Variants in SNRPE observed in about 807,000 individuals in gnomAD.
The protein encoded by SNRPE is small nuclear ribonucleoprotein E.
For missense variants in SNRPE, 53 were observed against 111.6 expected (o/e 0.48, Z 2.36); for synonymous variants, 35 against 36.7 (o/e 0.95, Z 0.17).
intron 4 of SNRPE, among the ~76,000 whole-genome samples, chr1:203,866,942 G>A (rs35710405): frequency 0.11 from 13,562 of 126,378 alleles, 862 homozygotes; most frequent in Non-Finnish European, 0.14. Flanking sequence ...CCTTGTGTCT[G>A]TAGAGCTCAG....
chr1:203,869,797 A>T (rs1690177091), intron 4 of SNRPE, 80 bp from the exon 5 acceptor site: 6 of 995,884 alleles, frequency 6.0e-6, no homozygotes, highest in Non-Finnish European at 7.6e-6. Context: ...AATATTGTTC[A>T]AAAACTGGAT....
chr1:203,861,665 G>T lies in SNRPE; in HGVS notation c.6G>T (p.Ala2=). 3.7e-6 allele frequency: 6 copies of T among 1,612,408 alleles called. No homozygotes were observed. Among genetic ancestry groups the T allele is most frequent in the Non-Finnish European group, 5.1e-6 (6 of 1,178,390 alleles). ...GCTCTTTGTGAAATTCCACCATGGC[G>T]TACCGTGGCCAGGGTCAGAAAGTGC... M[A]YRGQGQKVQK... is the part of the protein sequence containing the mutation. The change falls in exon 1 of 5, where the codon GCG becomes GCT. Residue 2 remains alanine (A), a synonymous_variant. Coordinates refer to ENST00000414487, the MANE Select transcript of SNRPE (RefSeq NM_003094.4).
chr1:203,863,605 C>T (rs978876830), intron 2 of SNRPE, 58 bp from the exon 3 acceptor site: 29 of 1,259,626 alleles, frequency 2.3e-5, no homozygotes, highest in Non-Finnish European at 4.7e-6. Context: ...AGGCGTGAGC[C>T]ACCGCGCCCG....
In SNRPE at chr1:203,871,105, G is replaced by A. The variant is rs1256572221; in HGVS notation, c.*1173G>A. Among the ~76,000 whole-genome samples, 1 of 152,166 alleles carries A rather than the reference G, an allele frequency of 6.6e-6. No homozygotes were observed. On this transcript the variant is annotated 3_prime_UTR_variant, in exon 5 of 5. Transcript: ENST00000414487. ...CTATATTCCTCCTGTCTGAACTCAT[G>A]CTCTTTTGATTATGTTTTGAAATAA... is the stretch of plus-strand genomic sequence containing the variant.
At chr1:203,868,859 G>T (rs151256611) in intron 4 of SNRPE, among the ~76,000 whole-genome samples, 4 of 151,980 alleles carry the variant, frequency 2.6e-5, no homozygotes, top group African/African-American at 4.8e-5. Flanking sequence ...AGTAGAAGAC[G>T]GGGTGTCACC....
At chr1:203,861,882 AGGT>A in intron 1 of SNRPE, 169 bp downstream of exon 1, 1 of 669,212 alleles carries the variant, frequency 1.5e-6, no homozygotes, top group Admixed American at 2.2e-5. Flanking sequence ...GATGGTGGGG[AGGT>A]GGTCTTGGGG....
chr1:203,868,566 G>A (rs576990706), intron 4 of SNRPE, among the ~76,000 whole-genome samples: 1 of 152,340 alleles, frequency 6.6e-6, no homozygotes, highest in African/African-American at 2.4e-5. Context: ...ACCTGAACTA[G>A]ATATATGGAA....
intron 1 of SNRPE, 176 bp from the exon 2 acceptor site, chr1:203,862,020 G>A (rs887410037): frequency 4.8e-6 from 3 of 628,436 alleles, no homozygotes; most frequent in Non-Finnish European, 8.6e-6. Flanking sequence ...TGGAATGGAT[G>A]TTCTTTAGTC....
chr1:203,865,249 A>C (rs1032982622), intron 4 of SNRPE, 130 bp downstream of exon 4: 1 of 816,574 alleles, frequency 1.2e-6, no homozygotes, highest in Admixed American at 2.6e-5. Flanking sequence ...GTAGTAGTAC[A>C]CTTTTGAAAT....
At position 203,862,119 on chromosome 1, in the gene SNRPE, G is replaced by C. The variant is rs188742616; in HGVS notation, c.55-77G>C. 3.5e-6 allele frequency: 4 copies of C among 1,140,714 alleles called. 1 individual carries two copies. The highest frequency in any genetic ancestry group is 2.5e-5 in the South Asian group (2 of 80,924). The allele number at this position is 1,140,714 out of a possible 1,614,324, so 70.7% of individuals were successfully genotyped here. A position where few individuals can be genotyped will look rare whatever the true frequency, so the allele number is the denominator to read the frequency against. ...CGTTTAGTAAACAAAGGTGAGACGG[G>C]AATAGCGTCGTCCGGTTGTTTCAGG... On this transcript the variant is annotated intron_variant, in intron 1 of 4. Transcript: ENST00000414487.
chr1:203,863,157 A>G (rs1690010325), intron 2 of SNRPE, among the ~76,000 whole-genome samples: 1 of 126,356 alleles, frequency 7.9e-6, no homozygotes, highest in South Asian at 2.5e-4. Flanking sequence ...TCGTTTGACC[A>G]AAATGGTTAG....
chr1:203,863,788 T>C lies in SNRPE; in HGVS notation c.144+63T>C, dbSNP rs184504435. ...TCGTAGAAAAAGACTTAACAGAAAG[T>C]GTCTAGCCAGAACAGTGTATAAAAA... On this transcript the variant is annotated intron_variant, in intron 3 of 4. Transcript: ENST00000414487. 2.0e-5 allele frequency: 23 copies of C among 1,144,424 alleles called. No individual in the cohort carries two copies. The African/African-American group carries it at 2.1e-4, about 11-fold the overall frequency. The allele number at this position is 1,144,424 out of a possible 1,614,324, so 70.9% of individuals were successfully genotyped here. A position where few individuals can be genotyped will look rare whatever the true frequency, so the allele number is the denominator to read the frequency against.
chr1:203,863,868 C>A (rs1277591816), intron 3 of SNRPE, 143 bp downstream of exon 3: 1 of 612,810 alleles, frequency 1.6e-6, no homozygotes, highest in Non-Finnish European at 3.0e-6. Context: ...AGCCTTTTTT[C>A]ATTGTTGATA....
chr1:203,866,594 C>T (rs953270927), intron 4 of SNRPE, among the ~76,000 whole-genome samples: 4 of 152,160 alleles, frequency 2.6e-5, no homozygotes, highest in African/African-American at 7.2e-5. Flanking sequence ...ATTATTATTT[C>T]CTGCCTTATT....
rs71281152 is a variant in SNRPE at position 203,870,299 on chromosome 1, T to TA, written c.*369dup. The TA allele has an allele frequency of 0.09, 15,450 of 170,810 alleles. 995 individuals are homozygous for TA. The highest frequency in any genetic ancestry group is 0.12 in the Non-Finnish European group (10,041 of 80,680). The allele number at this position is 170,810 out of a possible 1,614,324, so 10.6% of individuals were successfully genotyped here. A position where few individuals can be genotyped will look rare whatever the true frequency, so the allele number is the denominator to read the frequency against. On this transcript the variant is annotated 3_prime_UTR_variant, in exon 5 of 5. Coordinates refer to ENST00000414487, the MANE Select transcript of SNRPE (RefSeq NM_003094.4). ...GAAGGGGAGGGTTCAGAAAAATAAA[T>TA]AAGAGTTATTGCACTAACAAAAGTC...
chr1:203,865,200 G>A lies in SNRPE; in HGVS notation c.223+81G>A, dbSNP rs1040845773. The A allele has an allele frequency of 1.6e-5, 20 of 1,275,484 alleles. No individual in the cohort carries two copies. The African/African-American group carries it at 2.4e-4, about 15-fold the overall frequency. 79.0% of individuals were successfully genotyped at this position (1,275,484 alleles called of 1,614,324 possible). On this transcript the variant is annotated intron_variant, in intron 4 of 4. Coordinates refer to ENST00000414487, the MANE Select transcript of SNRPE (RefSeq NM_003094.4). ...TTCAGTGACCTGCAACTCAGTTCAT[G>A]TTTGAATTTATTTTGCATTTGAGAA...
chr1:203,864,013 G>A (rs1403396857), intron 3 of SNRPE, among the ~76,000 whole-genome samples: 1 of 152,174 alleles, frequency 6.6e-6, no homozygotes, highest in Non-Finnish European at 1.5e-5. Flanking sequence ...GGAGTGCAGT[G>A]GCACAATCAT....
intron 4 of SNRPE, among the ~76,000 whole-genome samples, chr1:203,868,013 C>A (rs375862008): frequency 5.3e-5 from 8 of 152,100 alleles, no homozygotes; most frequent in African/African-American, 1.9e-4. Context: ...TAACTCAATG[C>A]CTGGCACATA....
intron 4 of SNRPE, 44 bp from the exon 5 acceptor site, chr1:203,869,833 G>T: frequency 7.3e-7 from 1 of 1,378,506 alleles, no homozygotes; most frequent in South Asian, 1.2e-5. Context: ...TAAAACATCT[G>T]AGTGTGTGGC....
Sources: gnomAD v4.1 joint callset for allele counts (sites outside exome capture counted in the v4.1 genomes callset) on GRCh38, gnomAD v4.1.1 for gene constraint, MANE v1.5 for transcripts, NCBI Gene and HGNC (gene_info 2026-07-23, HGNC 2026-07-21) for gene names.